KCNU1: variants seen among roughly 807,000 people sequenced by gnomAD.
The protein encoded by KCNU1 is potassium channel subfamily U member 1.
In KCNU1, 93 loss-of-function variants were observed where a neutral mutation model predicts 126.8. The ratio of observed to expected loss-of-function variants is 0.73; its 90% CI spans 0.62 to 0.87. The LOEUF is 0.87. Ranked by LOEUF, KCNU1 falls within the 40% of genes least tolerant of loss-of-function variation. The pLI is 0.00. For synonymous variants in KCNU1, 523 were observed against 494.2 expected (o/e 1.06, Z -0.77); for missense variants, 1,330 against 1,367.1 (o/e 0.97, Z 0.43).
intron 2 of KCNU1, among the ~76,000 whole-genome samples, chr8:36,788,534 C>G (rs1802793645): frequency 6.6e-6 from 1 of 152,176 alleles, no homozygotes; most frequent in Non-Finnish European, 1.5e-5. Flanking sequence ...AGATTATCCT[C>G]TGTTTTTTAT....
intron 2 of KCNU1, among the ~76,000 whole-genome samples, chr8:36,799,830 C>T (rs781039172): frequency 1.3e-4 from 20 of 151,928 alleles, no homozygotes; most frequent in Non-Finnish European, 2.4e-4. Flanking sequence ...CATTAGTCAC[C>T]GCGCCCAGCC....
chr8:36,796,307 T>C (rs2130366869), intron 2 of KCNU1, among the ~76,000 whole-genome samples: 1 of 152,332 alleles, frequency 6.6e-6, no homozygotes, highest in South Asian at 2.1e-4. Flanking sequence ...AGAAATTCTT[T>C]GTTGCCTAGT....
intron 19 of KCNU1, among the ~76,000 whole-genome samples, chr8:36,895,945 G>A (rs1046605783): frequency 6.6e-6 from 1 of 151,944 alleles, no homozygotes; most frequent in African/African-American, 2.4e-5. Context: ...TGCTCTTGGA[G>A]CACTATTGGT....
At chr8:36,878,970 C>A (rs1343016422) in intron 19 of KCNU1, among the ~76,000 whole-genome samples, 1 of 147,296 alleles carries the variant, frequency 6.8e-6, no homozygotes, top group African/African-American at 2.5e-5. Flanking sequence ...TTCAGACTGG[C>A]TTTCCTCTCA....
At chr8:36,911,477 T>G (rs540804988) in intron 22 of KCNU1, among the ~76,000 whole-genome samples, 12 of 152,348 alleles carry the variant, frequency 7.9e-5, no homozygotes, top group African/African-American at 2.6e-4. Context: ...TAGTTATTAT[T>G]ATGATGAAAT....
intron 2 of KCNU1, among the ~76,000 whole-genome samples, chr8:36,797,600 T>C (rs1461641056): frequency 6.6e-6 from 1 of 152,138 alleles, no homozygotes; most frequent in Non-Finnish European, 1.5e-5. Context: ...CAGTTTTTCT[T>C]ACATAACACA....
chr8:36,812,652 C>A (rs1803767871), intron 7 of KCNU1, among the ~76,000 whole-genome samples: 1 of 152,110 alleles, frequency 6.6e-6, no homozygotes, highest in Non-Finnish European at 1.5e-5. Context: ...ATGATTCAGT[C>A]TGTTAACATT....
At chr8:36,870,021 A>G (rs1806044509) in intron 19 of KCNU1, among the ~76,000 whole-genome samples, 1 of 152,128 alleles carries the variant, frequency 6.6e-6, no homozygotes, top group Non-Finnish European at 1.5e-5. Context: ...ACCATTGGTA[A>G]GGTCACTTTG....
intron 22 of KCNU1, among the ~76,000 whole-genome samples, chr8:36,918,290 C>CAGCACTT (rs1808198262): frequency 6.6e-6 from 1 of 151,938 alleles, no homozygotes; most frequent in South Asian, 2.1e-4. Flanking sequence ...AGCTGTAATC[C>CAGCACTT]CAGCACTTCA....
At chr8:36,869,969 A>T (rs1246314057) in intron 19 of KCNU1, among the ~76,000 whole-genome samples, 1 of 152,182 alleles carries the variant, frequency 6.6e-6, no homozygotes, top group South Asian at 2.1e-4. Flanking sequence ...CCTGACAAGC[A>T]TACCAGCAGG....
chr8:36,903,696 G>T (rs910468460), intron 19 of KCNU1, among the ~76,000 whole-genome samples: 7 of 152,076 alleles, frequency 4.6e-5, no homozygotes, highest in Non-Finnish European at 1.0e-4. Context: ...ATATTAGTTT[G>T]TTCTCACACT....
chr8:36,914,672 A>G (rs997159942), intron 22 of KCNU1, among the ~76,000 whole-genome samples: 1 of 152,178 alleles, frequency 6.6e-6, no homozygotes, highest in Non-Finnish European at 1.5e-5. Context: ...GGACATCTCC[A>G]TGGGAAATTT....
At chr8:36,864,370 G>T (rs185681939) in intron 18 of KCNU1, 34 bp from the exon 19 acceptor site, 113 of 1,244,264 alleles carry the variant, frequency 9.1e-5, no homozygotes, top group Middle Eastern at 5.6e-4. Flanking sequence ...GTGAAGAGAT[G>T]TGCCAACTCA....
intron 10 of KCNU1, among the ~76,000 whole-genome samples, chr8:36,819,947 C>T (rs1173377535): frequency 6.6e-6 from 1 of 152,108 alleles, no homozygotes; most frequent in Non-Finnish European, 1.5e-5. Context: ...CTACTTCAGG[C>T]CTAGCGTTTA....
Position 36,846,169 on chromosome 8 carries a change from G to A in KCNU1, c.1891+270G>A, listed in dbSNP as rs118172440. Among the ~76,000 whole-genome samples, 65 of 152,326 alleles carry A rather than the reference G, an allele frequency of 4.3e-4. 1 individual carries two copies. The East Asian group carries it at 0.013, about 29-fold the overall frequency. On this transcript the variant is annotated intron_variant, in intron 18 of 26. Transcript: ENST00000399881. ...TTGTCCAAAGTCACATAGCCAGTTAGCGGCATCACCAAACTCAATCCCAGG... is the reference window on the plus strand; with the variant it reads ...TTGTCCAAAGTCACATAGCCAGTTAACGGCATCACCAAACTCAATCCCAGG...
At chr8:36,823,592 C>T (rs1406256679) in intron 10 of KCNU1, among the ~76,000 whole-genome samples, 2 of 151,778 alleles carry the variant, frequency 1.3e-5, no homozygotes, top group East Asian at 1.9e-4. Context: ...TTTCAATCCT[C>T]AGTGATTGTT....
Position 36,934,781 on chromosome 8 carries a change from C to A in KCNU1, c.3045-734C>A, listed in dbSNP as rs115583827. On this transcript the variant is annotated intron_variant, in intron 26 of 26. Coordinates refer to ENST00000399881, the MANE Select transcript of KCNU1 (RefSeq NM_001031836.3). ...GCAGGATGAAAGCCATACAAGGCTA[C>A]CCTGCCTCAATGTTCCCACATAAGC... 5.1e-3 allele frequency among the ~76,000 whole-genome samples: 774 copies of A among 152,178 alleles called. 9 individuals are homozygous for A. The highest frequency in any genetic ancestry group is 0.018 in the African/African-American group (727 of 41,528).
At chr8:36,805,011 C>T (rs528801327) in intron 3 of KCNU1, among the ~76,000 whole-genome samples, 184 bp from the exon 4 acceptor site, 30 of 152,148 alleles carry the variant, frequency 2.0e-4, no homozygotes, top group Non-Finnish European at 3.4e-4. Flanking sequence ...TGGCAGTCCA[C>T]TGGTTTTGTT....
intron 18 of KCNU1, among the ~76,000 whole-genome samples, chr8:36,861,425 T>A (rs1248235657): frequency 6.6e-6 from 1 of 152,158 alleles, no homozygotes; most frequent in African/African-American, 2.4e-5. Context: ...TTCATGCCAA[T>A]CCATGATGTT....
Sources: allele counts gnomAD v4.1 joint callset (sites outside exome capture counted in the v4.1 genomes callset), GRCh38; gene constraint gnomAD v4.1.1; transcripts MANE v1.5; gene names NCBI Gene and HGNC (gene_info 2026-07-23, HGNC 2026-07-21).